The following GALK2 variants were observed in gnomAD, a reference collection of about 807,000 sequenced individuals.
The protein encoded by GALK2 is N-acetylgalactosamine kinase.
A neutral mutation model predicts 52.4 loss-of-function variants in GALK2; 36 were observed. The ratio of observed to expected loss-of-function variants is 0.69; its 90% CI spans 0.53 to 0.91. GALK2 has a LOEUF of 0.91. GALK2 is among the 40% of genes least tolerant of loss of function. The probability of loss-of-function intolerance (pLI) is 0.00; values close to 1 mark genes in which losing one functional copy is unlikely to be tolerated. For synonymous variants in GALK2, 176 were observed against 199.1 expected, an observed-to-expected ratio of 0.88 and a Z score of 0.98; for missense variants, 579 against 559.1, an observed-to-expected ratio of 1.04 and a Z score of -0.36.
intron 7 of GALK2, 54 bp from the exon 8 acceptor site, chr15:49,292,273 G>C: frequency 1.3e-6 from 2 of 1,493,470 alleles, no homozygotes; most frequent in Non-Finnish European, 1.9e-6. Flanking sequence ...AATTAAAATA[G>C]TACACATCAA....
chr15:49,201,097 T>C, intron 1 of GALK2, 65 bp from the exon 2 acceptor site: 2 of 771,302 alleles, frequency 2.6e-6, no homozygotes, highest in Non-Finnish European at 2.3e-6. Flanking sequence ...TATGTATGTG[T>C]GTGTATGTTA....
At chr15:49,185,521 G>A (rs927432727) in intron 1 of GALK2, 1 of 152,168 alleles carries the variant, frequency 6.6e-6, no homozygotes, top group Non-Finnish European at 1.5e-5. Flanking sequence ...GGGTCAAATG[G>A]TAGGTCTGTT....
At chr15:49,193,277 C>T (rs113894792) in intron 1 of GALK2, among the ~76,000 whole-genome samples, 9,082 of 151,900 alleles carry the variant, frequency 0.06, 540 homozygotes, top group African/African-American at 0.15. Flanking sequence ...GGATTACAGG[C>T]GTGAGCCACC....
chr15:49,194,901 T>A (rs903457147), intron 1 of GALK2, among the ~76,000 whole-genome samples: 3 of 152,122 alleles, frequency 2.0e-5, no homozygotes, highest in Admixed American at 6.5e-5. Context: ...GGCTACATAT[T>A]TGTTTTTCGT....
intron 3 of GALK2, among the ~76,000 whole-genome samples, chr15:49,340,403 G>GCCCCCCCCC (rs373386438): frequency 2.1e-5 from 2 of 94,380 alleles, no homozygotes; most frequent in Non-Finnish European, 2.2e-5. Flanking sequence ...GCAGTGCCCC[G>GCCCCCCCCC]CCCCCCCCCT....
At chr15:49,272,222 A>AT (rs751613447) in intron 5 of GALK2, among the ~76,000 whole-genome samples, 13 of 152,176 alleles carry the variant, frequency 8.5e-5, no homozygotes, top group Non-Finnish European at 1.9e-4. Context: ...TTACAATTCT[A>AT]TAAAAAGTTA....
At chr15:49,341,223 C>G (rs2040683827) in intron 3 of GALK2, among the ~76,000 whole-genome samples, 1 of 151,958 alleles carries the variant, frequency 6.6e-6, no homozygotes, top group African/African-American at 2.4e-5. Flanking sequence ...GTTCTTTTTG[C>G]TTAGGATTTT....
chr15:49,279,963 C>A (rs1394154287), intron 5 of GALK2, among the ~76,000 whole-genome samples: 1 of 152,236 alleles, frequency 6.6e-6, no homozygotes. Context: ...AGTGAATCCA[C>A]ATGACCAACA....
At chr15:49,197,253 T>C (rs2141287497) in intron 1 of GALK2, among the ~76,000 whole-genome samples, 1 of 152,372 alleles carries the variant, frequency 6.6e-6, no homozygotes, top group South Asian at 2.1e-4. Flanking sequence ...CACCTTGTTT[T>C]AGTTATGTGT....
intron 3 of GALK2, 28 bp downstream of exon 3, chr15:49,217,341 T>C (rs145130575): frequency 1.2e-6 from 2 of 1,611,482 alleles, no homozygotes; most frequent in South Asian, 2.2e-5. Flanking sequence ...TTAGTGTGTG[T>C]GTATGTATGG....
At position 49,331,810 on chromosome 15, in the gene GALK2, T is replaced by C. The variant is rs1229697873; in HGVS notation, c.*3651T>C. Reference sequence around the variant, plus strand: ...TATGTAGGAACTTCTCAAAGTCCTGTTTCACTTCATGAGGTTTCTTGGTAG... The same window carrying C: ...TATGTAGGAACTTCTCAAAGTCCTGCTTCACTTCATGAGGTTTCTTGGTAG... On this transcript the variant is annotated 3_prime_UTR_variant, in exon 10 of 10. Transcript: ENST00000560031. The C allele has an allele frequency of 6.2e-7, 1 of 1,611,528 alleles. No individual in the cohort carries two copies. The highest frequency in any genetic ancestry group is 8.5e-7 in the Non-Finnish European group (1 of 1,177,730).
In GALK2 at chr15:49,329,243, A is replaced by G. The variant is rs760392476; in HGVS notation, c.*1084A>G. On this transcript the variant is annotated 3_prime_UTR_variant, in exon 10 of 10. Transcript: ENST00000560031. ...TATTGATGGGTATCTCTGTATGTAT[A>G]TCAAGAGTGGGCAGAAATGTTTGGC... The G allele has an allele frequency of 7.1e-6, 7 of 985,476 alleles. No homozygotes were observed. Among genetic ancestry groups the G allele is most frequent in the Non-Finnish European group, 7.2e-6 (6 of 830,060 alleles). The allele number at this position is 985,476 out of a possible 1,614,324, so 61.0% of individuals were successfully genotyped here. A position where few individuals can be genotyped will look rare whatever the true frequency, so the allele number is the denominator to read the frequency against.
chr15:49,221,445 C>T (rs989778172), intron 3 of GALK2, among the ~76,000 whole-genome samples: 1 of 151,828 alleles, frequency 6.6e-6, no homozygotes, highest in South Asian at 2.1e-4. Context: ...GCAGGCAGAT[C>T]ACCTGAGGTC....
At chr15:49,313,625 T>C (rs186227170) in intron 8 of GALK2, among the ~76,000 whole-genome samples, 3 of 152,392 alleles carry the variant, frequency 2.0e-5, no homozygotes, top group African/African-American at 7.2e-5. Flanking sequence ...CTTATCTGTG[T>C]AACTAAGTTA....
At chr15:49,365,966 A>T (rs917978114) in intron 3 of GALK2, 90 of 856,108 alleles carry the variant, frequency 1.1e-4, no homozygotes, top group Non-Finnish European at 1.7e-4. Flanking sequence ...CATTTGTGGA[A>T]GAAATAAAGT....
chr15:49,331,531 G>A lies in GALK2; in HGVS notation c.*3372G>A. The A allele has an allele frequency of 2.4e-6, 1 of 419,062 alleles. No homozygotes were observed. The highest frequency in any genetic ancestry group is 4.2e-6 in the Non-Finnish European group (1 of 236,196). 26.0% of individuals were successfully genotyped at this position (419,062 alleles called of 1,614,324 possible). A position where few individuals can be genotyped will look rare whatever the true frequency, so the allele number is the denominator to read the frequency against. ...TTAGTTTGTAATTCTAACTGCATTT[G>A]GAGCTTTTCAGTTACATAAACTGTT... On this transcript the variant is annotated 3_prime_UTR_variant, in exon 10 of 10. Transcript: ENST00000560031.
At chr15:49,214,977 G>T (rs1040937055) in intron 2 of GALK2, among the ~76,000 whole-genome samples, 4 of 152,114 alleles carry the variant, frequency 2.6e-5, no homozygotes, top group African/African-American at 9.7e-5. Context: ...ATGTTTGAAG[G>T]ATAATTTTAC....
chr15:49,258,862 C>T (rs1475161561), intron 5 of GALK2, among the ~76,000 whole-genome samples: 2 of 145,692 alleles, frequency 1.4e-5, no homozygotes, highest in Non-Finnish European at 3.0e-5. Context: ...GAGATGGTAT[C>T]TCATTGTGGT....
At chr15:49,277,372 T>G (rs1354428565) in intron 5 of GALK2, among the ~76,000 whole-genome samples, 5 of 138,922 alleles carry the variant, frequency 3.6e-5, no homozygotes, top group Admixed American at 7.1e-5. Context: ...GTTTCACCGT[T>G]TTAGCCGGGA....
Sources: allele counts gnomAD v4.1 joint callset (sites outside exome capture counted in the v4.1 genomes callset), GRCh38; gene constraint gnomAD v4.1.1; transcripts MANE v1.5; gene names NCBI Gene and HGNC (gene_info 2026-07-23, HGNC 2026-07-21).